Variants in GLIS1 observed in about 807,000 individuals in gnomAD.
GLIS1 encodes zinc finger protein GLIS1.
A neutral mutation model predicts 63.8 loss-of-function variants in GLIS1; 24 were observed. That is an observed-to-expected ratio of 0.38 (90% CI 0.27 to 0.53). The LOEUF is 0.53. Ranked by LOEUF, GLIS1 falls within the 20% of genes least tolerant of loss-of-function variation. The probability of loss-of-function intolerance (pLI) is 0.85; values close to 1 mark genes in which losing one functional copy is unlikely to be tolerated. For synonymous variants in GLIS1, 450 were observed against 482.5 expected, an observed-to-expected ratio of 0.93 and a Z score of 0.88; for missense variants, 1,036 against 1,074.1, an observed-to-expected ratio of 0.96 and a Z score of 0.50.
At chr1:53,520,577 G>A (rs377361647) in intron 7 of GLIS1, 57 bp downstream of exon 7, 3 of 1,521,214 alleles carry the variant, frequency 2.0e-6, no homozygotes, top group African/African-American at 1.4e-5. Context: ...CTTGACTGTG[G>A]GCAGAGAAAG....
intron 2 of GLIS1, among the ~76,000 whole-genome samples, chr1:53,640,803 A>G (rs1362901150): frequency 6.6e-6 from 1 of 151,652 alleles, no homozygotes; most frequent in Non-Finnish European, 1.5e-5. Context: ...TCCCTCCCCT[A>G]CCCCATGCCC....
At chr1:53,688,134 G>T (rs1454780372) in intron 2 of GLIS1, among the ~76,000 whole-genome samples, 1 of 152,226 alleles carries the variant, frequency 6.6e-6, no homozygotes, top group Admixed American at 6.5e-5. Flanking sequence ...TGTGTGGCGT[G>T]CTGACACCCG....
At chr1:53,622,160 G>A (rs1481190156) in intron 2 of GLIS1, among the ~76,000 whole-genome samples, 1 of 150,898 alleles carries the variant, frequency 6.6e-6, no homozygotes, top group African/African-American at 2.4e-5. Flanking sequence ...GGGCACAGTG[G>A]CTCACGCCTG....
intron 2 of GLIS1, among the ~76,000 whole-genome samples, chr1:53,681,675 G>A (rs973464171): frequency 2.6e-5 from 4 of 152,210 alleles, no homozygotes; most frequent in South Asian, 4.1e-4. Context: ...GGTAGGAAAA[G>A]GGCTTGAGCC....
At chr1:53,630,386 CA>C (rs1645638673) in intron 2 of GLIS1, among the ~76,000 whole-genome samples, 1 of 152,134 alleles carries the variant, frequency 6.6e-6, no homozygotes, top group African/African-American at 2.4e-5. Context: ...ATTCCTGGGC[CA>C]AAAGGGCTGA....
chr1:53,732,038 A>G (rs1165935418), intron 2 of GLIS1, among the ~76,000 whole-genome samples: 1 of 152,268 alleles, frequency 6.6e-6, no homozygotes, highest in Non-Finnish European at 1.5e-5. Flanking sequence ...TGTTAGCTCC[A>G]GGCAGGCCCA....
At chr1:53,723,231 T>C (rs28396152) in intron 2 of GLIS1, among the ~76,000 whole-genome samples, 18,534 of 147,354 alleles carry the variant, frequency 0.13, 1,254 homozygotes, top group East Asian at 0.24. Flanking sequence ...TTATTATTTA[T>C]TTATTTACTT....
At chr1:53,580,915 A>G (rs865949122) in intron 4 of GLIS1, among the ~76,000 whole-genome samples, 1 of 151,572 alleles carries the variant, frequency 6.6e-6, no homozygotes, top group African/African-American at 2.4e-5. Context: ...GAATCTGCAG[A>G]GATGGGCTTA....
chr1:53,738,916 GC>G (rs912029557), intron 1 of GLIS1, among the ~76,000 whole-genome samples, 188 bp downstream of exon 1: 1 of 152,128 alleles, frequency 6.6e-6, no homozygotes, highest in African/African-American at 2.4e-5. Flanking sequence ...CGCCACACGC[GC>G]GTGCGATGGG....
At chr1:53,584,174 A>G (rs1019705415) in intron 4 of GLIS1, among the ~76,000 whole-genome samples, 6 of 152,186 alleles carry the variant, frequency 3.9e-5, no homozygotes, top group Non-Finnish European at 7.4e-5. Flanking sequence ...ACCTCTGCCC[A>G]TATCACAGTC....
At chr1:53,697,194 C>T (rs1222958870) in intron 2 of GLIS1, among the ~76,000 whole-genome samples, 1 of 152,186 alleles carries the variant, frequency 6.6e-6, no homozygotes, top group Admixed American at 6.5e-5. Context: ...GACACAATAG[C>T]AGGCTCTGTA....
At chr1:53,584,702 C>T (rs1645118028) in intron 4 of GLIS1, among the ~76,000 whole-genome samples, 1 of 152,156 alleles carries the variant, frequency 6.6e-6, no homozygotes, top group Non-Finnish European at 1.5e-5. Flanking sequence ...TAAAGAAGGG[C>T]CTCTTCTCCT....
intron 4 of GLIS1, among the ~76,000 whole-genome samples, chr1:53,576,592 C>G (rs1006409743): frequency 3.9e-5 from 6 of 152,178 alleles, no homozygotes; most frequent in African/African-American, 1.4e-4. Context: ...GATGCCTCTC[C>G]CTGTCCTTCT....
Position 53,617,893 on chromosome 1 carries a change from T to TG in GLIS1, c.260-17616dup, listed in dbSNP as rs528054443. ...GTCTCCCCCAAGGTCACAGAGTGAGTGGGGGTGAGCAGGACTGTGTCTTGA... is the reference window on the plus strand; with the variant it reads ...GTCTCCCCCAAGGTCACAGAGTGAGTGGGGGGTGAGCAGGACTGTGTCTTGA... On this transcript the variant is annotated intron_variant, in intron 2 of 10. Transcript: ENST00000628545. Among the ~76,000 whole-genome samples, 742 of 152,036 alleles carry TG rather than the reference T, an allele frequency of 4.9e-3. 2 individuals are homozygous for TG. Among genetic ancestry groups the TG allele is most frequent in the South Asian group, 9.3e-3 (45 of 4,818 alleles).
Position 53,718,201 on chromosome 1 carries a change from C to T in GLIS1, c.259+19605G>A, listed in dbSNP as rs143504991. Among the ~76,000 whole-genome samples, 85 of 152,352 alleles carry T rather than the reference C, an allele frequency of 5.6e-4. 1 individual carries two copies. The East Asian group carries it at 0.015, about 28-fold the overall frequency. ...CAGCATCGTTTTAATAAAATCTCTT[C>T]TCTGCCTAAATCAGTCAGTTTGTGA... is the stretch of plus-strand genomic sequence containing the variant. On this transcript the variant is annotated intron_variant, in intron 2 of 10. Transcript: ENST00000628545.
chr1:53,518,704 G>A (rs1644376584), intron 7 of GLIS1, among the ~76,000 whole-genome samples: 1 of 152,224 alleles, frequency 6.6e-6, no homozygotes, highest in Non-Finnish European at 1.5e-5. Flanking sequence ...TGAGGACTCA[G>A]CTGATTCTGT....
intron 2 of GLIS1, among the ~76,000 whole-genome samples, chr1:53,685,385 T>C (rs941395857): frequency 1.3e-5 from 2 of 152,144 alleles, no homozygotes; most frequent in Non-Finnish European, 2.9e-5. Flanking sequence ...CCGGGCGCGA[T>C]CTGTTATTAT....
intron 2 of GLIS1, among the ~76,000 whole-genome samples, chr1:53,687,939 G>C (rs1306707810): frequency 6.6e-6 from 1 of 152,198 alleles, no homozygotes; most frequent in Non-Finnish European, 1.5e-5. Flanking sequence ...AAGAGTCCTA[G>C]ACGCAAGCGG....
chr1:53,552,104 C>T (rs1285204425), intron 4 of GLIS1, among the ~76,000 whole-genome samples: 2 of 152,044 alleles, frequency 1.3e-5, no homozygotes, highest in African/African-American at 4.8e-5. Flanking sequence ...CCTCTAATCA[C>T]CCCCAAAGCT....
Sources: gnomAD v4.1 joint callset for allele counts (sites outside exome capture counted in the v4.1 genomes callset) on GRCh38, gnomAD v4.1.1 for gene constraint, MANE v1.5 for transcripts, NCBI Gene and HGNC (gene_info 2026-07-23, HGNC 2026-07-21) for gene names.